The following CD109 variants were observed in gnomAD, a reference collection of about 807,000 sequenced individuals.
The protein encoded by CD109 is CD109 antigen.
In CD109, 149 loss-of-function variants were observed where a neutral mutation model predicts 165.8. The observed-to-expected ratio is 0.90, with a 90% CI of 0.79 to 1.03. The LOEUF (loss-of-function observed/expected upper bound fraction) is 1.03. Among genes scored for constraint, CD109 ranks in the 50% least tolerant of loss-of-function variants. The pLI is 0.00. For missense variants in CD109, 1,712 were observed against 1,677.8 expected (o/e 1.02, Z -0.36); for synonymous variants, 585 against 592.1 (o/e 0.99, Z 0.18).
chr6:73,806,769 T>C, intron 24 of CD109, 75 bp from the exon 25 acceptor site: 5 of 977,622 alleles, frequency 5.1e-6, no homozygotes, highest in Non-Finnish European at 7.6e-6. Flanking sequence ...AAAGTGTTGT[T>C]GTTTTGCTTG....
intron 15 of CD109, among the ~76,000 whole-genome samples, chr6:73,773,376 T>G (rs1052008614): frequency 6.6e-6 from 1 of 151,978 alleles, no homozygotes; most frequent in African/African-American, 2.4e-5. Flanking sequence ...AGCATATTAT[T>G]ATATTTTGCT....
chr6:73,757,255 T>G (rs985105964), intron 6 of CD109, among the ~76,000 whole-genome samples: 1 of 152,170 alleles, frequency 6.6e-6, no homozygotes, highest in Non-Finnish European at 1.5e-5. Context: ...TTGAGCTTCT[T>G]TTTTGAGATT....
chr6:73,731,516 G>A, intron 4 of CD109, among the ~76,000 whole-genome samples: 1 of 152,252 alleles, frequency 6.6e-6, no homozygotes, highest in East Asian at 1.9e-4. Context: ...GGGGACAGGT[G>A]CTAGGACATG....
At position 73,808,190 on chromosome 6, in the gene CD109, G is replaced by C. The variant is rs1163735558; in HGVS notation, c.3297G>C (p.Val1099=). The C allele has an allele frequency of 6.2e-7, 1 of 1,613,486 alleles. No individual in the cohort carries two copies. ...LALITYALSS[V]GSPKAKEALN... is the part of the protein sequence containing the mutation. ...TTATAACTTATGCATTGTCATCAGT[G>C]GGGAGTCCTAAAGCGAAGGAAGCTT... The change falls in exon 26 of 33, where the codon GTG becomes GTC. Residue 1099 remains valine (V), a synonymous_variant. Transcript: ENST00000287097.
chr6:73,782,880 G>A (rs528666450), intron 18 of CD109, 125 bp downstream of exon 18: 1 of 761,518 alleles, frequency 1.3e-6, no homozygotes, highest in African/African-American at 1.7e-5. Context: ...AGACCAAAAG[G>A]ATTTTTTAGG....
intron 5 of CD109, among the ~76,000 whole-genome samples, chr6:73,749,760 C>G (rs190966898): frequency 2.3e-4 from 35 of 152,238 alleles, no homozygotes; most frequent in Non-Finnish European, 4.3e-4. Flanking sequence ...GTAAAAACAT[C>G]CAAACATGAT....
Position 73,782,706 on chromosome 6 carries a change from G to A in CD109, c.2056G>A (p.Val686Ile). 1.2e-6 allele frequency: 2 copies of A among 1,613,994 alleles called. No individual in the cohort carries two copies. Among genetic ancestry groups the A allele is most frequent in the African/African-American group, 1.3e-5 (1 of 75,056 alleles). Reference sequence around the variant, plus strand: ...CTTTTCTTTGGGTAGCAGTCCACATGTCCGAAAGCATTTTCCAGAGACTTG... The same window carrying A: ...CTTTTCTTTGGGTAGCAGTCCACATATCCGAAAGCATTTTCCAGAGACTTG... ...HDFSLGSSPH[V>I]RKHFPETWIW... is the part of the protein sequence containing the mutation. Residue 686 changes from valine (V) to isoleucine (I), a missense_variant, in exon 18 of 33, where the codon GTC becomes ATC. By Grantham distance (29) the Val-to-Ile change is conservative (BLOSUM62 3). Coordinates refer to ENST00000287097, the MANE Select transcript of CD109 (RefSeq NM_133493.5).
At chr6:73,772,004 T>A (rs1299082627) in intron 15 of CD109, among the ~76,000 whole-genome samples, 1 of 152,188 alleles carries the variant, frequency 6.6e-6, no homozygotes. Flanking sequence ...TATATACAAA[T>A]ATCAATATAT....
rs571090319 is a variant in CD109 at position 73,744,284 on chromosome 6, A to T, written c.633+7776A>T. On this transcript the variant is annotated intron_variant, in intron 5 of 32. Coordinates refer to ENST00000287097, the MANE Select transcript of CD109 (RefSeq NM_133493.5). ...AATATAATATCTGACCTGTTATGGGAACTCATTCATGCTTGTGGGATGAAA... is the reference window on the plus strand; with the variant it reads ...AATATAATATCTGACCTGTTATGGGTACTCATTCATGCTTGTGGGATGAAA... Among the ~76,000 whole-genome samples, 44 of 152,310 alleles carry T rather than the reference A, an allele frequency of 2.9e-4. 5 individuals carry two copies. Among genetic ancestry groups the T allele is most frequent in the African/African-American group, 1.1e-3 (44 of 41,570 alleles).
At chr6:73,771,705 T>C in intron 15 of CD109, 124 bp downstream of exon 15, 1 of 575,616 alleles carries the variant, frequency 1.7e-6, no homozygotes, top group Non-Finnish European at 2.8e-6. Context: ...AGTCAATAAT[T>C]AGTAAAGCTT....
intron 2 of CD109, among the ~76,000 whole-genome samples, chr6:73,698,382 A>G: frequency 6.6e-6 from 1 of 152,114 alleles, no homozygotes; most frequent in Non-Finnish European, 1.5e-5. Flanking sequence ...ACAAGCTCTC[A>G]CCATGTTGCC....
At chr6:73,819,316 T>C (rs1368061169) in intron 31 of CD109, among the ~76,000 whole-genome samples, 1 of 152,206 alleles carries the variant, frequency 6.6e-6, no homozygotes, top group Non-Finnish European at 1.5e-5. Flanking sequence ...CATTGCTGAA[T>C]GAGTACTACT....
chr6:73,785,287 A>G (rs1774644120), intron 19 of CD109, 77 bp from the exon 20 acceptor site: 2 of 772,626 alleles, frequency 2.6e-6, no homozygotes, highest in Admixed American at 2.7e-5. Flanking sequence ...CAGGTTTTAT[A>G]AAGATTGCAT....
chr6:73,807,317 T>C (rs961941655), intron 25 of CD109, among the ~76,000 whole-genome samples: 2 of 152,234 alleles, frequency 1.3e-5, no homozygotes, highest in Non-Finnish European at 2.9e-5. Flanking sequence ...TGTATTGTAC[T>C]TGCTATTGGT....
intron 2 of CD109, among the ~76,000 whole-genome samples, chr6:73,718,649 G>A (rs1771834553): frequency 6.6e-6 from 1 of 151,944 alleles, no homozygotes; most frequent in Admixed American, 6.6e-5. Context: ...GTTAGGGTCA[G>A]AAGCTTGGCC....
At chr6:73,701,503 T>C (rs1771076217) in intron 2 of CD109, among the ~76,000 whole-genome samples, 4 of 152,164 alleles carry the variant, frequency 2.6e-5, no homozygotes, top group Admixed American at 2.6e-4. Flanking sequence ...TCTCTTTCCT[T>C]ACTGTGAAAG....
chr6:73,767,118 T>G, intron 13 of CD109, 108 bp downstream of exon 13: 1 of 850,992 alleles, frequency 1.2e-6, no homozygotes, highest in Non-Finnish European at 1.9e-6. Flanking sequence ...TAAACTCATG[T>G]CATGGGGGTT....
chr6:73,739,577 G>C (rs1263741627), intron 5 of CD109, among the ~76,000 whole-genome samples: 2 of 152,138 alleles, frequency 1.3e-5, no homozygotes, highest in Non-Finnish European at 2.9e-5. Flanking sequence ...GGCTGGGCGT[G>C]GTGGCTCACA....
the CD109 span, among the ~76,000 whole-genome samples, chr6:73,687,223 T>C: frequency 6.6e-6 from 1 of 152,272 alleles, no homozygotes; most frequent in African/African-American, 2.4e-5. Context: ...AGTGATCAGT[T>C]CACGTAGGAA....
Sources: gnomAD v4.1 joint callset for allele counts (sites outside exome capture counted in the v4.1 genomes callset) on GRCh38, gnomAD v4.1.1 for gene constraint, MANE v1.5 for transcripts, NCBI Gene and HGNC (gene_info 2026-07-23, HGNC 2026-07-21) for gene names.